PDZRN4: variants seen among roughly 807,000 people sequenced by gnomAD.
PDZRN4 encodes the protein PDZ domain containing ring finger 4.
A neutral mutation model predicts 99.0 loss-of-function variants in PDZRN4; 70 were observed. The ratio of observed to expected loss-of-function variants is 0.71; its 90% CI spans 0.58 to 0.86. The LOEUF is 0.86. Ranked by LOEUF, PDZRN4 falls within the 40% of genes least tolerant of loss-of-function variation. PDZRN4 has a pLI of 0.00. For missense variants in PDZRN4, 1,474 were observed against 1,331.2 expected (o/e 1.11, Z -1.67); for synonymous variants, 551 against 501.6 (o/e 1.10, Z -1.32).
intron 3 of PDZRN4, among the ~76,000 whole-genome samples, chr12:41,382,403 A>G (rs181529232): frequency 6.6e-6 from 1 of 152,302 alleles, no homozygotes; most frequent in Admixed American, 6.5e-5. Flanking sequence ...CTGATTGCAA[A>G]CTTAGGAAAT....
intron 3 of PDZRN4, among the ~76,000 whole-genome samples, chr12:41,423,618 T>C (rs1432401471): frequency 6.6e-6 from 1 of 152,150 alleles, no homozygotes; most frequent in African/African-American, 2.4e-5. Flanking sequence ...GTCATAAAAA[T>C]GTTGCCCAAC....
chr12:41,380,248 G>A (rs1952113972), intron 3 of PDZRN4, among the ~76,000 whole-genome samples: 1 of 151,912 alleles, frequency 6.6e-6, no homozygotes, highest in Non-Finnish European at 1.5e-5. Flanking sequence ...TCCAAAATGA[G>A]TCTTTTGTGG....
chr12:41,461,747 A>G (rs1952875644), intron 3 of PDZRN4, among the ~76,000 whole-genome samples: 2 of 152,202 alleles, frequency 1.3e-5, no homozygotes, highest in Non-Finnish European at 2.9e-5. Context: ...ATGTCCTCTC[A>G]GAGCCCTAAA....
chr12:41,507,952 A>C (rs1370807298), intron 4 of PDZRN4, among the ~76,000 whole-genome samples: 2 of 152,120 alleles, frequency 1.3e-5, no homozygotes. Flanking sequence ...CAAATATATA[A>C]TATTCATTAA....
At position 41,367,840 on chromosome 12, in the gene PDZRN4, GA is replaced by G. The variant is rs941571739; in HGVS notation, c.844-138608del. On this transcript the variant is annotated intron_variant, in intron 3 of 9. Transcript: ENST00000402685. ...TTTAGTTATTGAAAACAAAAACAAG[GA>G]AAAAAAATCCTGGCGCCATGTCCAA... is the stretch of plus-strand genomic sequence containing the variant. Among the ~76,000 whole-genome samples the G allele has an allele frequency of 3.4e-4, 51 of 151,670 alleles. 3 individuals carry two copies. Among genetic ancestry groups the G allele is most frequent in the Admixed American group, 1.6e-3 (24 of 15,212 alleles).
chr12:41,504,218 A>T (rs1343254307), intron 3 of PDZRN4, among the ~76,000 whole-genome samples: 1 of 152,178 alleles, frequency 6.6e-6, no homozygotes, highest in Non-Finnish European at 1.5e-5. Context: ...TGGTGAGCTG[A>T]GATCACGCCA....
chr12:41,454,791 A>T (rs927809701), intron 3 of PDZRN4, among the ~76,000 whole-genome samples: 3 of 152,242 alleles, frequency 2.0e-5, no homozygotes, highest in Admixed American at 2.0e-4. Flanking sequence ...GGAACTAAGG[A>T]GACTACAGTT....
At chr12:41,456,044 C>T (rs1030293535) in intron 3 of PDZRN4, among the ~76,000 whole-genome samples, 1 of 152,220 alleles carries the variant, frequency 6.6e-6, no homozygotes, top group Non-Finnish European at 1.5e-5. Flanking sequence ...TTACCACCAA[C>T]CTTCTGGATT....
chr12:41,288,944 G>A (rs1951438802), intron 3 of PDZRN4, among the ~76,000 whole-genome samples: 3 of 152,080 alleles, frequency 2.0e-5, no homozygotes, highest in Admixed American at 2.0e-4. Context: ...TCTTTTGGCT[G>A]AGAATACACA....
intron 3 of PDZRN4, among the ~76,000 whole-genome samples, chr12:41,305,323 G>A (rs1189935514): frequency 6.6e-6 from 1 of 152,160 alleles, no homozygotes; most frequent in East Asian, 1.9e-4. Flanking sequence ...GAAAACTTGG[G>A]AAGACTTGGG....
intron 3 of PDZRN4, among the ~76,000 whole-genome samples, chr12:41,258,540 G>T (rs1951217807): frequency 6.6e-6 from 1 of 152,076 alleles, no homozygotes; most frequent in South Asian, 2.1e-4. Flanking sequence ...CAACTATTCT[G>T]TCATAAATAT....
At position 41,349,098 on chromosome 12, in the gene PDZRN4, G is replaced by C. The variant is rs187028106; in HGVS notation, c.843+154910G>C. ...ATAAATATTTATAAATTTTAATTTTGACACAATTTTTTACACAATTACTAT... is the reference window on the plus strand; with the variant it reads ...ATAAATATTTATAAATTTTAATTTTCACACAATTTTTTACACAATTACTAT... On this transcript the variant is annotated intron_variant, in intron 3 of 9. Coordinates refer to ENST00000402685, the MANE Select transcript of PDZRN4 (RefSeq NM_001164595.2). 3.1e-3 allele frequency among the ~76,000 whole-genome samples: 466 copies of C among 151,652 alleles called. 4 individuals carry two copies. The highest frequency in any genetic ancestry group is 0.011 in the African/African-American group (446 of 41,414).
In PDZRN4 at chr12:41,294,672, C is replaced by T. The variant is rs184002822; in HGVS notation, c.843+100484C>T. ...ATTACCTCTTTATACCTGAGCTCAA[C>T]GAATCACATTTCATCATGAAAATAC... On this transcript the variant is annotated intron_variant, in intron 3 of 9. Coordinates refer to ENST00000402685, the MANE Select transcript of PDZRN4 (RefSeq NM_001164595.2). Among the ~76,000 whole-genome samples, 5 of 152,134 alleles carry T rather than the reference C, an allele frequency of 3.3e-5. No homozygotes were observed. In the East Asian group the frequency reaches 5.8e-4, roughly 18 times the overall value.
chr12:41,292,435 G>A (rs977933161), intron 3 of PDZRN4, among the ~76,000 whole-genome samples: 2 of 152,106 alleles, frequency 1.3e-5, no homozygotes, highest in Non-Finnish European at 2.9e-5. Context: ...GCAGTAAAAG[G>A]GCCCTGTAAG....
intron 3 of PDZRN4, among the ~76,000 whole-genome samples, chr12:41,340,455 G>T (rs573781522): frequency 6.6e-6 from 1 of 151,958 alleles, no homozygotes; most frequent in Non-Finnish European, 1.5e-5. Flanking sequence ...TGGGGGTGAG[G>T]AAGTAGGGAT....
intron 3 of PDZRN4, among the ~76,000 whole-genome samples, chr12:41,234,106 G>A (rs1951049603): frequency 6.6e-6 from 1 of 151,886 alleles, no homozygotes; most frequent in African/African-American, 2.4e-5. Context: ...CCAACCTTTG[G>A]AAAGCATCTG....
At chr12:41,463,160 C>G (rs1338981161) in intron 3 of PDZRN4, among the ~76,000 whole-genome samples, 1 of 152,184 alleles carries the variant, frequency 6.6e-6, no homozygotes, top group Non-Finnish European at 1.5e-5. Context: ...TGTGATCAAA[C>G]CCACCTTTCT....
chr12:41,478,839 A>G (rs373633099), intron 3 of PDZRN4, among the ~76,000 whole-genome samples: 161 of 152,268 alleles, frequency 1.1e-3, no homozygotes, highest in African/African-American at 3.7e-3. Flanking sequence ...TGATGAAGCT[A>G]TGCTAATGTT....
At chr12:41,263,390 T>TAA (rs1490849166) in intron 3 of PDZRN4, among the ~76,000 whole-genome samples, 1 of 151,772 alleles carries the variant, frequency 6.6e-6, no homozygotes, top group Non-Finnish European at 1.5e-5. Context: ...CCGCCTCTAC[T>TAA]AAAAATACAA....
Sources: gnomAD v4.1 joint callset for allele counts (sites outside exome capture counted in the v4.1 genomes callset) on GRCh38, gnomAD v4.1.1 for gene constraint, MANE v1.5 for transcripts, NCBI Gene and HGNC (gene_info 2026-07-23, HGNC 2026-07-21) for gene names.